RILPL1: variants seen among roughly 807,000 people sequenced by gnomAD.
The protein encoded by RILPL1 is RILP-like protein 1.
A neutral mutation model predicts 50.3 loss-of-function variants in RILPL1; 33 were observed. The observed-to-expected ratio is 0.66, with a 90% CI of 0.50 to 0.88. The LOEUF (loss-of-function observed/expected upper bound fraction) is 0.88. Ranked by LOEUF, RILPL1 falls within the 40% of genes least tolerant of loss-of-function variation. RILPL1 has a pLI of 0.00. For synonymous variants in RILPL1, 205 were observed against 228.6 expected, an observed-to-expected ratio of 0.90 and a Z score of 0.93; for missense variants, 418 against 542.5, an observed-to-expected ratio of 0.77 and a Z score of 2.28.
At chr12:123,475,949 G>A (rs180672439) in intron 6 of RILPL1, 116 of 503,136 alleles carry the variant, frequency 2.3e-4, no homozygotes, top group African/African-American at 2.2e-3. Flanking sequence ...TCTCGTCCAG[G>A]CTGGAGTGCG....
intron 2 of RILPL1, among the ~76,000 whole-genome samples, chr12:123,517,603 G>A (rs772070073): frequency 2.6e-5 from 4 of 151,802 alleles, no homozygotes; most frequent in Admixed American, 6.6e-5. Flanking sequence ...TGTATTTTTT[G>A]TAGAGATGGG....
At position 123,472,269 on chromosome 12, in the gene RILPL1, T is replaced by G; in HGVS notation, c.*269A>C. On this transcript the variant is annotated 3_prime_UTR_variant, in exon 7 of 7. Coordinates refer to ENST00000376874, the MANE Select transcript of RILPL1 (RefSeq NM_178314.5). The stretch of plus-strand genomic sequence containing the variant: ...CTGAAGTTAACGCAGAAGTCTGGCC[T>G]CCGTTTGTGGGATTATTAAATATAT... 2.5e-6 allele frequency: 1 copy of G among 393,008 alleles called. No homozygotes were observed. Among genetic ancestry groups the G allele is most frequent in the East Asian group, 4.1e-5 (1 of 24,454 alleles). 24.3% of individuals were successfully genotyped at this position (393,008 alleles called of 1,614,324 possible). A position where few individuals can be genotyped will look rare whatever the true frequency, so the allele number is the denominator to read the frequency against.
At chr12:123,473,921 G>T (rs1278732373) in intron 6 of RILPL1, 1 of 152,066 alleles carries the variant, frequency 6.6e-6, no homozygotes, top group Non-Finnish European at 1.5e-5. Context: ...TTGAGATGGG[G>T]TTTCACTCTT....
chr12:123,496,005 CTTTTT>C (rs896624102), intron 4 of RILPL1, among the ~76,000 whole-genome samples: 1 of 150,080 alleles, frequency 6.7e-6, no homozygotes. Flanking sequence ...TTAACCACTC[CTTTTT>C]TTTTCTTTTT....
chr12:123,511,426 GTC>G (rs1308062573), intron 2 of RILPL1, among the ~76,000 whole-genome samples: 3 of 127,922 alleles, frequency 2.3e-5, no homozygotes, highest in African/African-American at 2.9e-5. Flanking sequence ...TGTGTGTGAG[GTC>G]TCTGTGTGTG....
chr12:123,511,066 TGTGTGTGTGTGAGGTCTGTGTGTG>T (rs1325807793), intron 2 of RILPL1, among the ~76,000 whole-genome samples: 3 of 129,720 alleles, frequency 2.3e-5, no homozygotes, highest in Admixed American at 8.0e-5. Flanking sequence ...GTGTGGGGTC[TGTGTGTGTGTGAGGTCTGTGTGTG>T]GTGTGTGTGT....
Position 123,485,680 on chromosome 12 carries a change from G to C in RILPL1, c.927C>G (p.Leu309=). Residue 309 remains leucine, a synonymous_variant, in exon 5 of 7, where the codon CTC becomes CTG. Transcript: ENST00000376874. The surrounding 1 kb of genome is among the most constrained non-coding windows in gnomAD (Gnocchi z 4.0). ...CCTGCAGCAAGAACACCTTGGACTT[G>C]AGCTCGTTCCTCTCGTGCAGCACGT... ...LRDVLHERNE[L]KSKVFLLQEE... 2 of 1,613,834 alleles carry C rather than the reference G, an allele frequency of 1.2e-6. No individual in the cohort carries two copies. Among genetic ancestry groups the C allele is most frequent in the Non-Finnish European group, 1.7e-6 (2 of 1,179,810 alleles).
chr12:123,479,981 C>T (rs1053552466), intron 6 of RILPL1, among the ~76,000 whole-genome samples: 26 of 152,064 alleles, frequency 1.7e-4, no homozygotes, highest in African/African-American at 5.8e-4. Context: ...TCACCCAATA[C>T]GAAATTTGCA....
chr12:123,512,451 GGTCT>G (rs1173860805), intron 2 of RILPL1, among the ~76,000 whole-genome samples: 2 of 142,178 alleles, frequency 1.4e-5, no homozygotes, highest in Non-Finnish European at 3.1e-5. Flanking sequence ...TGGTGTGTGA[GGTCT>G]GTATGTGTGT....
chr12:123,501,550 A>G (rs1004537547), intron 2 of RILPL1, among the ~76,000 whole-genome samples: 2 of 152,110 alleles, frequency 1.3e-5, no homozygotes. Context: ...TCACAAGGTC[A>G]AGAGATCGAG....
At chr12:123,523,675 A>G (rs756573486) in intron 1 of RILPL1, 30 bp from the exon 2 acceptor site, 1 of 1,606,422 alleles carries the variant, frequency 6.2e-7, no homozygotes, top group Non-Finnish European at 8.5e-7. Context: ...GCATGGGGTC[A>G]CTGCCTGCCC....
At chr12:123,475,605 G>A (rs966735172) in intron 6 of RILPL1, 3 of 1,160,432 alleles carry the variant, frequency 2.6e-6, no homozygotes, top group Non-Finnish European at 2.5e-6. Context: ...AGCAGTAGCC[G>A]AAGCAGACAT....
chr12:123,487,651 G>A (rs955827783), intron 4 of RILPL1, among the ~76,000 whole-genome samples: 1 of 152,330 alleles, frequency 6.6e-6, no homozygotes, highest in African/African-American at 2.4e-5. Context: ...CTGTACAGAT[G>A]TACCACAGTG....
Position 123,485,734 on chromosome 12 carries a change from G to T in RILPL1, c.873C>A (p.Arg291=), listed in dbSNP as rs368982428. ...KVAMDLKDPN[R]PRFTLQELRD... is the part of the protein sequence containing the mutation. ...GCAGCTCCTGCAGGGTGAACCGGGG[G>T]CGGTTGGGGTCCTTGAGATCCATGG... Residue 291 remains arginine, a synonymous_variant, in exon 5 of 7, where the codon CGC becomes CGA. Transcript: ENST00000376874. The surrounding 1 kb of genome is among the most constrained non-coding windows in gnomAD (Gnocchi z 4.0). 5.0e-6 allele frequency: 8 copies of T among 1,613,190 alleles called. No individual in the cohort carries two copies. The Admixed American group carries it at 1.0e-4, about 20-fold the overall frequency.
At position 123,477,096 on chromosome 12, in the gene RILPL1, A is replaced by C. The variant is rs549552045; in HGVS notation, c.1068-4414T>G. On this transcript the variant is annotated intron_variant, in intron 6 of 6. Coordinates refer to ENST00000376874, the MANE Select transcript of RILPL1 (RefSeq NM_178314.5). The stretch of plus-strand genomic sequence containing the variant: ...CAGAATCATCAGATATTCTGGTCTA[A>C]GCCCACGGTAAGTAAATGCTCATCT... Among the ~76,000 whole-genome samples the C allele has an allele frequency of 5.9e-5, 9 of 152,328 alleles. No homozygotes were observed. In the South Asian group the frequency reaches 1.7e-3, roughly 28 times the overall value.
At chr12:123,495,934 G>A (rs535352450) in intron 4 of RILPL1, among the ~76,000 whole-genome samples, 1 of 152,032 alleles carries the variant, frequency 6.6e-6, no homozygotes, top group African/African-American at 2.4e-5. Context: ...GCCTGCCTTG[G>A]CCTCCCAACT....
chr12:123,478,174 T>A (rs11497312), intron 6 of RILPL1, among the ~76,000 whole-genome samples: 87,208 of 149,392 alleles, frequency 0.58, 26,344 homozygotes, highest in East Asian at 0.98. Context: ...TTAAAAAAAA[T>A]TTTTTTCCTC....
At chr12:123,526,754 G>A (rs1885275444) in intron 1 of RILPL1, among the ~76,000 whole-genome samples, 1 of 152,238 alleles carries the variant, frequency 6.6e-6, no homozygotes, top group Admixed American at 6.5e-5. Context: ...GTCACCAGGG[G>A]AGGTGAAGGG....
chr12:123,494,940 C>G (rs527366559), intron 4 of RILPL1, among the ~76,000 whole-genome samples: 1 of 152,202 alleles, frequency 6.6e-6, no homozygotes, highest in Non-Finnish European at 1.5e-5. Context: ...CTCTGCCTGG[C>G]CTTTATCCTT....
Sources: gnomAD v4.1 joint callset for allele counts (sites outside exome capture counted in the v4.1 genomes callset) on GRCh38, gnomAD v4.1.1 for gene constraint, Gnocchi (gnomAD v3.1) non-coding constraint, MANE v1.5 for transcripts, NCBI Gene and HGNC (gene_info 2026-07-23, HGNC 2026-07-21) for gene names.